Variants in COL25A1 observed in about 807,000 individuals in gnomAD.
The protein encoded by COL25A1 is collagen alpha-1(XXV) chain.
COL25A1 carries 103 observed loss-of-function variants against 128.4 expected under a neutral mutation model. That is an observed-to-expected ratio of 0.80 (90% confidence interval 0.68 to 0.94). The LOEUF (loss-of-function observed/expected upper bound fraction) is 0.94. COL25A1 is among the 40% of genes least tolerant of loss of function. The probability of loss-of-function intolerance (pLI) is 0.00; values close to 1 mark genes in which losing one functional copy is unlikely to be tolerated. For synonymous variants in COL25A1, 279 were observed against 277.2 expected (o/e 1.01, Z -0.06); for missense variants, 745 against 840.0 (o/e 0.89, Z 1.40).
chr4:109,107,459 A>G (rs17039853), intron 3 of COL25A1, among the ~76,000 whole-genome samples: 32,151 of 152,088 alleles, frequency 0.21, 4,043 homozygotes, highest in East Asian at 0.39. Flanking sequence ...GAGCTGTGAT[A>G]TAACATTTTT....
At chr4:109,019,375 C>CACATAT (rs1338511772) in intron 5 of COL25A1, among the ~76,000 whole-genome samples, 7 of 48,888 alleles carry the variant, frequency 1.4e-4, no homozygotes, top group Non-Finnish European at 2.0e-4. Flanking sequence ...CACACACACA[C>CACATAT]ATATATATAT....
intron 31 of COL25A1, among the ~76,000 whole-genome samples, chr4:108,841,227 C>A (rs1165903598): frequency 6.6e-6 from 1 of 152,126 alleles, no homozygotes; most frequent in Non-Finnish European, 1.5e-5. Context: ...TGAAATACCC[C>A]ACCCACTTCT....
chr4:108,917,809 T>A (rs1396298662), intron 13 of COL25A1, among the ~76,000 whole-genome samples: 1 of 152,238 alleles, frequency 6.6e-6, no homozygotes, highest in African/African-American at 2.4e-5. Flanking sequence ...TAATACATAT[T>A]AGTTTTACCA....
intron 37 of COL25A1, among the ~76,000 whole-genome samples, chr4:108,814,605 T>C (rs1028178816): frequency 8.5e-5 from 13 of 152,236 alleles, no homozygotes; most frequent in African/African-American, 3.1e-4. Flanking sequence ...ATAGCAGTCA[T>C]AATAACTAAG....
At chr4:108,854,414 A>G (rs1438199790) in intron 24 of COL25A1, among the ~76,000 whole-genome samples, 3 of 152,180 alleles carry the variant, frequency 2.0e-5, no homozygotes, top group African/African-American at 7.2e-5. Flanking sequence ...AAAAACTACC[A>G]TCAGAGTGAA....
chr4:109,296,503 T>C (rs1444940052), intron 3 of COL25A1, among the ~76,000 whole-genome samples: 1 of 152,032 alleles, frequency 6.6e-6, no homozygotes, highest in Admixed American at 6.6e-5. Flanking sequence ...GTCTGCCTTG[T>C]ACATCAACAT....
chr4:109,119,749 T>C (rs191534620), intron 3 of COL25A1, among the ~76,000 whole-genome samples: 30 of 152,140 alleles, frequency 2.0e-4, no homozygotes, highest in African/African-American at 6.0e-4. Context: ...TACAAGAAGA[T>C]AGAAACAGAG....
At chr4:109,293,007 A>G (rs1724617720) in intron 3 of COL25A1, among the ~76,000 whole-genome samples, 1 of 152,028 alleles carries the variant, frequency 6.6e-6, no homozygotes, top group African/African-American at 2.4e-5. Flanking sequence ...TGATCATATC[A>G]TATATTATCT....
intron 3 of COL25A1, among the ~76,000 whole-genome samples, chr4:109,119,863 A>G (rs1171785615): frequency 6.6e-6 from 1 of 152,082 alleles, no homozygotes; most frequent in African/African-American, 2.4e-5. Flanking sequence ...ATCTCTCATA[A>G]ACACAGATGC....
intron 31 of COL25A1, among the ~76,000 whole-genome samples, chr4:108,832,986 A>AATAAATAAATAAATAT (rs1733344733): frequency 6.6e-6 from 1 of 151,510 alleles, no homozygotes; most frequent in Non-Finnish European, 1.5e-5. Flanking sequence ...TAAATAAATA[A>AATAAATAAATAAATAT]ATAAATAAAT....
At chr4:109,199,101 AT>A (rs564601857) in intron 3 of COL25A1, among the ~76,000 whole-genome samples, 23 of 152,120 alleles carry the variant, frequency 1.5e-4, no homozygotes, top group South Asian at 4.2e-4. Flanking sequence ...AGCACTTGAC[AT>A]TTTTTTTATA....
chr4:108,861,891 T>A (rs1239774811), intron 22 of COL25A1, among the ~76,000 whole-genome samples: 1 of 152,330 alleles, frequency 6.6e-6, no homozygotes, highest in African/African-American at 2.4e-5. Context: ...ATTCTTCCCA[T>A]CCACAGTATG....
At chr4:109,158,314 T>C (rs1456856029) in intron 3 of COL25A1, among the ~76,000 whole-genome samples, 15 of 137,136 alleles carry the variant, frequency 1.1e-4, no homozygotes, top group Non-Finnish European at 7.9e-5. Flanking sequence ...GTTTTAAAGA[T>C]AAAAAAAAAA....
At chr4:109,168,939 C>T (rs1479060308) in intron 3 of COL25A1, among the ~76,000 whole-genome samples, 1 of 152,112 alleles carries the variant, frequency 6.6e-6, no homozygotes, top group East Asian at 1.9e-4. Context: ...GCATCTCTCA[C>T]CCGCACTACT....
chr4:109,042,996 A>T (rs1341152575), intron 5 of COL25A1, among the ~76,000 whole-genome samples: 3 of 152,118 alleles, frequency 2.0e-5, no homozygotes, highest in Non-Finnish European at 4.4e-5. Context: ...TACTTGCCTG[A>T]AAAACATCTT....
chr4:109,253,178 G>A lies in COL25A1; in HGVS notation c.367+47405C>T, dbSNP rs964444879. The stretch of plus-strand genomic sequence containing the variant: ...CTCTTGGTACCAAAATCTGTATTAC[G>A]CAGGATTCTTCTGAGAAACAGAGCC... On this transcript the variant is annotated intron_variant, in intron 3 of 37. Transcript: ENST00000399132. Among the ~76,000 whole-genome samples, 8 of 152,238 alleles carry A rather than the reference G, an allele frequency of 5.3e-5. No homozygotes were observed. The South Asian group carries it at 6.2e-4, about 12-fold the overall frequency.
At chr4:108,835,859 G>GTTTTTTTTTTTTTTTTTTTTT (rs1560721327) in intron 31 of COL25A1, among the ~76,000 whole-genome samples, 1 of 89,516 alleles carries the variant, frequency 1.1e-5, no homozygotes, top group Non-Finnish European at 2.1e-5. Flanking sequence ...GCTTACATAC[G>GTTTTTTTTTTTTTTTTTTTTT]TCTTTTTTTT....
At chr4:108,851,270 T>A (rs1414041801) in intron 26 of COL25A1, among the ~76,000 whole-genome samples, 1 of 152,096 alleles carries the variant, frequency 6.6e-6, no homozygotes, top group East Asian at 1.9e-4. Context: ...CTTATATTAA[T>A]GTTATACAAG....
rs11404203 is a variant in COL25A1, at chr4:109,300,181, C to CAA, written c.367+400_367+401dup. Among the ~76,000 whole-genome samples the CAA allele has an allele frequency of 4.2e-3, 535 of 126,016 alleles. 4 individuals carry two copies. The highest frequency in any genetic ancestry group is 7.4e-3 in the Non-Finnish European group (422 of 57,012). 82.7% of individuals were successfully genotyped at this position (126,016 alleles called of 152,430 possible). A position where few individuals can be genotyped will look rare whatever the true frequency, so the allele number is the denominator to read the frequency against. The stretch of plus-strand genomic sequence containing the variant: ...GTATGCCAAAGGGAATAAACCAAAA[C>CAA]AAAAAAAAAAAAAAACTCTGCACTA... On this transcript the variant is annotated intron_variant, in intron 3 of 37. Coordinates refer to ENST00000399132, the MANE Select transcript of COL25A1 (RefSeq NM_198721.4).
Sources: allele counts gnomAD v4.1 joint callset (sites outside exome capture counted in the v4.1 genomes callset), GRCh38; gene constraint gnomAD v4.1.1; transcripts MANE v1.5; gene names NCBI Gene and HGNC (gene_info 2026-07-23, HGNC 2026-07-21).